Variants in DHRSX observed in about 807,000 individuals in gnomAD.
DHRSX encodes the protein dehydrogenase/reductase X-linked, also known as polyprenol dehydrogenase.
DHRSX carries 31 observed loss-of-function variants against 34.0 expected under a neutral mutation model. That is an observed-to-expected ratio of 0.91 (90% confidence interval 0.69 to 1.23). The LOEUF (loss-of-function observed/expected upper bound fraction) is 1.23. Among genes scored for constraint, DHRSX ranks in the 50% most tolerant of loss-of-function variants. The probability of loss-of-function intolerance (pLI) is 0.00; values close to 1 mark genes in which losing one functional copy is unlikely to be tolerated. For synonymous variants in DHRSX, 201 were observed against 183.8 expected, an observed-to-expected ratio of 1.09 and a Z score of -0.76; for missense variants, 414 against 428.1, an observed-to-expected ratio of 0.97 and a Z score of 0.29.
At chrX:2,460,007 T>C (rs992634515) in intron 1 of DHRSX, among the ~76,000 whole-genome samples, 16 of 151,092 alleles carry the variant, frequency 1.1e-4, no homozygotes, top group Non-Finnish European at 1.0e-4. Flanking sequence ...ACTCAGGAGG[T>C]TGAGACAGAA....
intron 3 of DHRSX, among the ~76,000 whole-genome samples, chrX:2,374,892 T>C (rs2043123275): frequency 7.3e-6 from 1 of 137,256 alleles, no homozygotes; most frequent in African/African-American, 2.5e-5. Flanking sequence ...GGCAAGATAG[T>C]GAGACCCTGT....
intron 3 of DHRSX, among the ~76,000 whole-genome samples, chrX:2,315,081 C>T (rs986548731): frequency 6.6e-6 from 1 of 152,064 alleles, no homozygotes; most frequent in Non-Finnish European, 1.5e-5. Flanking sequence ...TTGCCTGAAC[C>T]CGGGAGGTGG....
At chrX:2,354,767 G>A (rs143164842) in intron 3 of DHRSX, among the ~76,000 whole-genome samples, 8 of 152,112 alleles carry the variant, frequency 5.3e-5, no homozygotes, top group South Asian at 4.2e-4. Flanking sequence ...GCCTCTGTCC[G>A]TCCATCTTAA....
At chrX:2,325,927 T>C (rs2042380600) in intron 3 of DHRSX, among the ~76,000 whole-genome samples, 1 of 152,202 alleles carries the variant, frequency 6.6e-6, no homozygotes, top group South Asian at 2.1e-4. Flanking sequence ...TGATGCCCAA[T>C]GACGAACCCC....
intron 1 of DHRSX, among the ~76,000 whole-genome samples, chrX:2,458,918 T>A (rs186277491): frequency 1.3e-5 from 2 of 151,990 alleles, no homozygotes; most frequent in Admixed American, 1.3e-4. Context: ...GGCAGAAGGA[T>A]CACTTCTGCC....
At chrX:2,306,942 T>C (rs1369649555) in intron 3 of DHRSX, among the ~76,000 whole-genome samples, 1 of 128,610 alleles carries the variant, frequency 7.8e-6, no homozygotes, top group Non-Finnish European at 1.6e-5. Flanking sequence ...TTTTTTTTTT[T>C]GATTGATAGG....
At position 2,307,789 on chromosome X, in the gene DHRSX, T is replaced by TA. The variant is rs747096554; in HGVS notation, c.287-16187dup. 6.5e-3 allele frequency among the ~76,000 whole-genome samples: 678 copies of TA among 103,680 alleles called. 13 individuals carry two copies. The highest frequency in any genetic ancestry group is 0.032 in the South Asian group (109 of 3,378). The allele number at this position is 103,680 out of a possible 152,430, so 68.0% of individuals were successfully genotyped here. ...CAAAAAAAAAAAAAAGTAATAAAAA[T>TA]AAAAAAAATAAAATAAAAAACAAGG... On this transcript the variant is annotated intron_variant, in intron 3 of 6. Coordinates refer to ENST00000334651, the MANE Select transcript of DHRSX (RefSeq NM_145177.3).
intron 1 of DHRSX, among the ~76,000 whole-genome samples, chrX:2,492,339 G>A (rs2045173199): frequency 6.6e-6 from 1 of 152,172 alleles, no homozygotes; most frequent in Non-Finnish European, 1.5e-5. Flanking sequence ...TGGAGACAGA[G>A]GCCGAGACTG....
chrX:2,488,441 C>T, intron 1 of DHRSX: 1 of 686,264 alleles, frequency 1.5e-6, no homozygotes, highest in Non-Finnish European at 2.3e-6. Context: ...TCCCAAAGTG[C>T]TGCGATTATA....
intron 1 of DHRSX, among the ~76,000 whole-genome samples, chrX:2,498,313 T>C (rs2045329834): frequency 6.6e-6 from 1 of 152,154 alleles, no homozygotes; most frequent in Admixed American, 6.6e-5. Flanking sequence ...TTAGCTCAAA[T>C]GCCCTGGACA....
chrX:2,232,686 C>T (rs1375264942), intron 6 of DHRSX, among the ~76,000 whole-genome samples: 1 of 152,074 alleles, frequency 6.6e-6, no homozygotes, highest in Non-Finnish European at 1.5e-5. Context: ...AATTCTCCTG[C>T]CTCAGCCTCC....
intron 3 of DHRSX, among the ~76,000 whole-genome samples, chrX:2,403,749 G>C (rs915699610): frequency 6.6e-6 from 1 of 151,678 alleles, no homozygotes; most frequent in Non-Finnish European, 1.5e-5. Flanking sequence ...CCAGTTACTC[G>C]GGAGGCTGAG....
chrX:2,286,390 G>A (rs780057439), intron 4 of DHRSX, among the ~76,000 whole-genome samples: 35 of 152,286 alleles, frequency 2.3e-4, no homozygotes, highest in African/African-American at 8.4e-4. Context: ...CACACAGGCT[G>A]GTGATGAATC....
At chrX:2,489,348 T>A in intron 1 of DHRSX, 1 of 1,613,764 alleles carries the variant, frequency 6.2e-7, no homozygotes, top group Non-Finnish European at 8.5e-7. Flanking sequence ...TCCTGGTAGG[T>A]CTTGGAAAGC....
At chrX:2,292,495 G>A (rs955865765) in intron 3 of DHRSX, among the ~76,000 whole-genome samples, 5 of 150,618 alleles carry the variant, frequency 3.3e-5, no homozygotes, top group African/African-American at 1.2e-4. Context: ...TGAGTCTGTG[G>A]GTTATTTTGT....
At position 2,480,322 on chromosome X, in the gene DHRSX, C is replaced by T. The variant is rs1487088405; in HGVS notation, c.109+20495G>A. Among the ~76,000 whole-genome samples, 7 of 150,338 alleles carry T rather than the reference C, an allele frequency of 4.7e-5. No individual in the cohort carries two copies. The East Asian group carries it at 1.2e-3, about 25-fold the overall frequency. Reference sequence around the variant, plus strand: ...AATCTAAAAAAGCTGAACGCATAAACGCAGAGAGTGCAATGGTGGTTGCCA... The same window carrying T: ...AATCTAAAAAAGCTGAACGCATAAATGCAGAGAGTGCAATGGTGGTTGCCA... On this transcript the variant is annotated intron_variant, in intron 1 of 6. Transcript: ENST00000334651.
chrX:2,488,921 A>T (rs1193587170), intron 1 of DHRSX: 1 of 1,602,154 alleles, frequency 6.2e-7, no homozygotes, highest in East Asian at 2.2e-5. Flanking sequence ...CTTGGGCAGC[A>T]GGGGGAAGAG....
At chrX:2,257,712 G>A (rs1384743189) in intron 5 of DHRSX, among the ~76,000 whole-genome samples, 2 of 152,014 alleles carry the variant, frequency 1.3e-5, no homozygotes, top group African/African-American at 2.4e-5. Context: ...TGCAACCTCC[G>A]CCTCCCGGGT....
intron 5 of DHRSX, among the ~76,000 whole-genome samples, chrX:2,249,826 T>C (rs1449868349): frequency 6.6e-6 from 1 of 151,352 alleles, no homozygotes; most frequent in Non-Finnish European, 1.5e-5. Flanking sequence ...ACCTGGCCTA[T>C]GAATATCTTT....
Sources: allele counts gnomAD v4.1 joint callset (sites outside exome capture counted in the v4.1 genomes callset), GRCh38; gene constraint gnomAD v4.1.1; transcripts MANE v1.5; gene names NCBI Gene and HGNC (gene_info 2026-07-23, HGNC 2026-07-21).